The following LRTM1 variants were observed in gnomAD, a reference collection of about 807,000 sequenced individuals.
LRTM1 encodes the protein leucine rich repeat transmembrane protein 1.
Under a neutral mutation model 32.4 loss-of-function variants are expected in LRTM1, and 38 were observed. That is an observed-to-expected ratio of 1.17 (90% CI 0.91 to 1.54). The LOEUF is 1.54. LRTM1 is among the 40% of genes most tolerant of loss of function. The pLI is 0.00. For missense variants in LRTM1, 466 were observed against 415.4 expected, an observed-to-expected ratio of 1.12 and a Z score of -1.06; for synonymous variants, 186 against 169.9, an observed-to-expected ratio of 1.09 and a Z score of -0.74.
chr3:54,958,880 G>A (rs1362410154), intron 1 of LRTM1, among the ~76,000 whole-genome samples: 1 of 152,128 alleles, frequency 6.6e-6, no homozygotes, highest in Non-Finnish European at 1.5e-5. Flanking sequence ...AAGGCAGGAG[G>A]ATTGCTTGAA....
intron 1 of LRTM1, among the ~76,000 whole-genome samples, chr3:54,942,207 T>C (rs1335429007): frequency 6.6e-6 from 1 of 152,196 alleles, no homozygotes; most frequent in Non-Finnish European, 1.5e-5. Context: ...TGCCCAGGTG[T>C]GTCAGTGCTT....
rs759719657 is a variant in LRTM1, at chr3:54,924,859, G to A, written c.364C>T (p.Pro122Ser). 5.6e-6 allele frequency: 9 copies of A among 1,613,892 alleles called. No individual in the cohort carries two copies. Among genetic ancestry groups the A allele is most frequent in the Non-Finnish European group, 7.6e-6 (9 of 1,179,858 alleles). ...SLESRLFHSL[P>S]QLRELDLSSN... ...GACAAATCAAGCTCCCTCAGCTGAG[G>A]GAGGGAATGGAAAAGTCTGCTTTCC... is the stretch of plus-strand genomic sequence containing the variant. The change falls in exon 2 of 3, where the codon CCT (proline) becomes TCT (serine). Residue 122 changes from proline to serine, a missense_variant. Pro to Ser is a moderately conservative substitution (Grantham distance 74, BLOSUM62 -1). Coordinates refer to ENST00000273286, the MANE Select transcript of LRTM1 (RefSeq NM_020678.4).
At position 54,924,938 on chromosome 3, in the gene LRTM1, A is replaced by G. The variant is rs759277975; in HGVS notation, c.285T>C (p.His95=). Reference sequence around the variant, plus strand: ...TTAAAACCTGCAAGTGCTGAAGCCCATGGAAAGCTCCAGGGGCCAGATTTG... The same window carrying G: ...TTAAAACCTGCAAGTGCTGAAGCCCGTGGAAAGCTCCAGGGGCCAGATTTG... The part of the protein sequence containing the change: ...SLSNLAPGAF[H]GLQHLQVLNL... The change falls in exon 2 of 3, where the codon CAT becomes CAC. Residue 95 remains histidine, a synonymous_variant. Transcript: ENST00000273286. 9 of 1,612,114 alleles carry G rather than the reference A, an allele frequency of 5.6e-6. No homozygotes were observed. Among genetic ancestry groups the G allele is most frequent in the Middle Eastern group, 1.7e-4 (1 of 6,054 alleles).
chr3:54,932,243 T>A (rs140718268), upstream of LRTM1, among the ~76,000 whole-genome samples: 96 of 152,238 alleles, frequency 6.3e-4, no homozygotes, highest in African/African-American at 2.1e-3. Context: ...GGGAGAATAT[T>A]CATAATAAAG....
intron 1 of LRTM1, among the ~76,000 whole-genome samples, chr3:54,933,161 A>T (rs1288778216): frequency 1.3e-5 from 2 of 151,798 alleles, no homozygotes; most frequent in Non-Finnish European, 2.9e-5. Flanking sequence ...TAAGAGATAG[A>T]AAAATAAGAA....
intron 1 of LRTM1, among the ~76,000 whole-genome samples, chr3:54,949,366 T>C (rs1256043499): frequency 6.6e-6 from 1 of 152,180 alleles, no homozygotes; most frequent in Admixed American, 6.5e-5. Flanking sequence ...AAAGGGGACA[T>C]GCCTGCTCAG....
intron 1 of LRTM1, among the ~76,000 whole-genome samples, chr3:54,939,624 A>G (rs75966590): frequency 0.023 from 3,455 of 152,328 alleles, 57 homozygotes; most frequent in Non-Finnish European, 0.037. Flanking sequence ...AGAGTTAGCA[A>G]TAACCTGGTC....
intron 2 of LRTM1, among the ~76,000 whole-genome samples, chr3:54,919,558 G>A (rs1700776185): frequency 6.6e-6 from 1 of 152,140 alleles, no homozygotes; most frequent in African/African-American, 2.4e-5. Context: ...TCCATTACCT[G>A]TAAGGTGATT....
intron 1 of LRTM1, among the ~76,000 whole-genome samples, chr3:54,933,156 G>T (rs1395200279): frequency 6.8e-6 from 1 of 147,834 alleles, no homozygotes; most frequent in East Asian, 2.1e-4. Flanking sequence ...TCCTATAAGA[G>T]ATAGAAAAAT....
At chr3:54,927,865 C>T in intron 1 of LRTM1, 40 bp downstream of exon 1, 1 of 1,611,874 alleles carries the variant, frequency 6.2e-7, no homozygotes, top group Non-Finnish European at 8.5e-7. Flanking sequence ...ATCTTTCTCC[C>T]AGACAAGAAC....
chr3:54,941,837 G>A (rs1164925436), intron 1 of LRTM1, among the ~76,000 whole-genome samples: 3 of 152,122 alleles, frequency 2.0e-5, no homozygotes, highest in Non-Finnish European at 4.4e-5. Flanking sequence ...ACATGCATTG[G>A]CCTCCTCCCT....
chr3:54,963,278 G>A (rs970143304), intron 1 of LRTM1, among the ~76,000 whole-genome samples: 1 of 152,082 alleles, frequency 6.6e-6, no homozygotes, highest in Non-Finnish European at 1.5e-5. Context: ...CTGGGGAGTG[G>A]TAGTATGGAC....
chr3:54,951,246 C>T (rs1701749569), intron 1 of LRTM1, among the ~76,000 whole-genome samples: 1 of 152,190 alleles, frequency 6.6e-6, no homozygotes, highest in Non-Finnish European at 1.5e-5. Context: ...AATGCAGTGG[C>T]CACTATGTAG....
chr3:54,923,455 C>T (rs1443587806), intron 2 of LRTM1, among the ~76,000 whole-genome samples: 1 of 152,168 alleles, frequency 6.6e-6, no homozygotes, highest in African/African-American at 2.4e-5. Context: ...GACATCTTCC[C>T]ATCCATCCTA....
At position 54,918,332 on chromosome 3, in the gene LRTM1, CTTTTTTTTTTTTTTT is replaced by C. The variant is rs533596688; in HGVS notation, c.*112_*126del. The C allele has an allele frequency of 4.8e-5, 11 of 228,012 alleles. 1 individual carries two copies. Among genetic ancestry groups the C allele is most frequent in the Non-Finnish European group, 7.1e-5 (9 of 126,142 alleles). 14.1% of individuals were successfully genotyped at this position (228,012 alleles called of 1,614,324 possible). On this transcript the variant is annotated 3_prime_UTR_variant, in exon 3 of 3. Coordinates refer to ENST00000273286, the MANE Select transcript of LRTM1 (RefSeq NM_020678.4). ...TTTTACAGACACATCTTTTTTTTTT[CTTTTTTTTTTTTTTT>C]TTTTTTTTGTCTTTTGGCAAAAGCA...
intron 1 of LRTM1, among the ~76,000 whole-genome samples, chr3:54,950,211 A>G (rs1701724246): frequency 6.6e-6 from 1 of 152,230 alleles, no homozygotes; most frequent in African/African-American, 2.4e-5. Context: ...TGAGCTGGCA[A>G]ACTTCAACAT....
upstream of LRTM1, among the ~76,000 whole-genome samples, chr3:54,932,049 G>T (rs139271248): frequency 3.9e-3 from 589 of 152,190 alleles, 15 homozygotes; most frequent in Admixed American, 0.031. Flanking sequence ...GGGTGTGGTG[G>T]TGAGCGCCTA....
rs1375414677 is a variant in LRTM1, at chr3:54,927,126, G to GA, written c.7+778_7+779insT. On this transcript the variant is annotated intron_variant, in intron 1 of 2. Transcript: ENST00000273286. ...TGAAAGGGGCTTTGTTTGATTGATT[G>GA]TTTGCTTGCTTGCTTGTTTTGGGCC... 2.2e-3 allele frequency among the ~76,000 whole-genome samples: 341 copies of GA among 152,044 alleles called. 1 individual carries two copies. The highest frequency in any genetic ancestry group is 7.7e-3 in the African/African-American group (320 of 41,540).
intron 1 of LRTM1, among the ~76,000 whole-genome samples, chr3:54,954,386 C>T (rs1253383232): frequency 6.6e-6 from 1 of 152,196 alleles, no homozygotes; most frequent in Non-Finnish European, 1.5e-5. Context: ...GGGATGCTTT[C>T]ACATTCTTCC....
Sources: gnomAD v4.1 joint callset for allele counts (sites outside exome capture counted in the v4.1 genomes callset) on GRCh38, gnomAD v4.1.1 for gene constraint, MANE v1.5 for transcripts, NCBI Gene and HGNC (gene_info 2026-07-23, HGNC 2026-07-21) for gene names.